The following PKP4 variants were observed in gnomAD, a reference collection of about 807,000 sequenced individuals.
The protein encoded by PKP4 is plakophilin-4.
PKP4 carries 90 observed loss-of-function variants against 145.1 expected under a neutral mutation model. The observed-to-expected ratio is 0.62, with a 90% confidence interval of 0.52 to 0.74. The LOEUF (loss-of-function observed/expected upper bound fraction) is 0.74. PKP4 is among the 30% of genes least tolerant of loss of function. PKP4 has a pLI of 0.00. For synonymous variants in PKP4, 563 were observed against 577.2 expected (o/e 0.98, Z 0.35); for missense variants, 1,340 against 1,482.7 (o/e 0.90, Z 1.58).
chr2:158,660,768 A>G (rs1409398222), intron 12 of PKP4: 1 of 152,236 alleles, frequency 6.6e-6, no homozygotes, highest in Non-Finnish European at 1.5e-5. Flanking sequence ...TGTTTATAAT[A>G]CAAGAAATTA....
At chr2:158,545,900 C>T (rs1219655475) in intron 2 of PKP4, among the ~76,000 whole-genome samples, 3 of 152,062 alleles carry the variant, frequency 2.0e-5, no homozygotes, top group Admixed American at 6.6e-5. Flanking sequence ...ATATACAGTG[C>T]CTTTTAAAAA....
At chr2:158,517,198 TG>T (rs2042006456) in intron 1 of PKP4, among the ~76,000 whole-genome samples, 1 of 152,236 alleles carries the variant, frequency 6.6e-6, no homozygotes, top group Non-Finnish European at 1.5e-5. Context: ...AGATTTCATA[TG>T]GTTTACCATA....
At chr2:158,511,636 A>T (rs1315700660) in intron 1 of PKP4, among the ~76,000 whole-genome samples, 1 of 152,214 alleles carries the variant, frequency 6.6e-6, no homozygotes, top group Non-Finnish European at 1.5e-5. Context: ...TCCTTCTAGA[A>T]AACAGTGACA....
Position 158,555,368 on chromosome 2 carries a change from TTAA to T in PKP4, c.133-21896_133-21894del, listed in dbSNP as rs1200340580. 2.0e-5 allele frequency among the ~76,000 whole-genome samples: 3 copies of T among 152,362 alleles called. No individual in the cohort carries two copies. The South Asian group carries it at 6.2e-4, about 32-fold the overall frequency. The stretch of plus-strand genomic sequence containing the variant: ...TATATTAAAGAAATGTTAGCTCATC[TTAA>T]TAATAAAGCAAAATGTAATTAGATC... On this transcript the variant is annotated intron_variant, in intron 2 of 21. Transcript: ENST00000389759.
Position 158,490,636 on chromosome 2 carries a change from A to G in PKP4, c.-6+33418A>G, listed in dbSNP as rs185117589. 2.7e-4 allele frequency among the ~76,000 whole-genome samples: 41 copies of G among 152,352 alleles called. No homozygotes were observed. The East Asian group carries it at 6.8e-3, about 25-fold the overall frequency. On this transcript the variant is annotated intron_variant, in intron 1 of 21. Transcript: ENST00000389759. ...GGAAGAAGTACAAATAGGATTCCTC[A>G]GGAGTCAATGTGGACAATAATTTTA...
intron 1 of PKP4, among the ~76,000 whole-genome samples, chr2:158,525,806 C>T (rs2042869584): frequency 6.9e-6 from 1 of 144,556 alleles, no homozygotes; most frequent in African/African-American, 2.6e-5. Flanking sequence ...GGGGATATCA[C>T]CACCGATCCC....
chr2:158,613,528 G>A (rs1016300300), intron 4 of PKP4, among the ~76,000 whole-genome samples: 1 of 152,134 alleles, frequency 6.6e-6, no homozygotes, highest in African/African-American at 2.4e-5. Context: ...TCAGAATACA[G>A]CTTAGACTGA....
chr2:158,522,699 C>G (rs999916820), intron 1 of PKP4, among the ~76,000 whole-genome samples: 1 of 152,204 alleles, frequency 6.6e-6, no homozygotes, highest in Non-Finnish European at 1.5e-5. Flanking sequence ...CGGGTGATTT[C>G]TGCATTTCCA....
intron 3 of PKP4, among the ~76,000 whole-genome samples, chr2:158,581,044 C>A (rs997872585): frequency 6.6e-6 from 1 of 152,136 alleles, no homozygotes; most frequent in African/African-American, 2.4e-5. Flanking sequence ...GCTTCGGGCA[C>A]ATCATGTAAA....
chr2:158,671,373 TA>T (rs1479640351), intron 17 of PKP4, among the ~76,000 whole-genome samples: 5 of 151,268 alleles, frequency 3.3e-5, no homozygotes, highest in Non-Finnish European at 7.4e-5. Context: ...TAAATGGTTA[TA>T]GGGGGTGGGG....
intron 3 of PKP4, among the ~76,000 whole-genome samples, chr2:158,581,617 C>T (rs3771620): frequency 0.46 from 70,629 of 152,000 alleles, 17,376 homozygotes; most frequent in South Asian, 0.67. Flanking sequence ...TCCTCTTCCC[C>T]GAATGGGTGG....
intron 2 of PKP4, among the ~76,000 whole-genome samples, chr2:158,538,990 G>C (rs542802278): frequency 6.6e-6 from 1 of 152,300 alleles, no homozygotes; most frequent in South Asian, 2.1e-4. Context: ...TTTTTACTCT[G>C]GTGAGGTCTC....
In PKP4 at chr2:158,515,643, A is replaced by G. The variant is rs183658285; in HGVS notation, c.-5-17537A>G. On this transcript the variant is annotated intron_variant, in intron 1 of 21. Transcript: ENST00000389759. ...GCTGAGGAAAGCCAAATTGTGAAGG[A>G]TGGAACAATGTCTCTTTCCATCTAC... is the stretch of plus-strand genomic sequence containing the variant. 2.0e-3 allele frequency among the ~76,000 whole-genome samples: 309 copies of G among 152,328 alleles called. 2 individuals carry two copies. Among genetic ancestry groups the G allele is most frequent in the Non-Finnish European group, 3.3e-3 (226 of 68,030 alleles).
intron 1 of PKP4, among the ~76,000 whole-genome samples, chr2:158,506,215 C>T (rs536110113): frequency 6.6e-6 from 1 of 152,298 alleles, no homozygotes; most frequent in South Asian, 2.1e-4. Flanking sequence ...CCTTGCTCTG[C>T]AGTGCAGTCC....
chr2:158,535,543 A>G (rs1016376317), intron 2 of PKP4, among the ~76,000 whole-genome samples: 8 of 151,972 alleles, frequency 5.3e-5, no homozygotes, highest in African/African-American at 1.9e-4. Context: ...CCTAGTAGCT[A>G]GGACTACAGG....
chr2:158,532,308 C>T (rs1263440997), intron 1 of PKP4, among the ~76,000 whole-genome samples: 2 of 152,044 alleles, frequency 1.3e-5, no homozygotes, highest in Non-Finnish European at 2.9e-5. Context: ...TAAGCCTTGG[C>T]GGGATTTGCC....
At chr2:158,529,608 G>C (rs950392095) in intron 1 of PKP4, among the ~76,000 whole-genome samples, 1 of 152,148 alleles carries the variant, frequency 6.6e-6, no homozygotes. Flanking sequence ...TCACTTAAAC[G>C]CCCTTCCTAT....
chr2:158,463,736 T>C (rs1049519472), intron 1 of PKP4, among the ~76,000 whole-genome samples: 1 of 152,210 alleles, frequency 6.6e-6, no homozygotes, highest in African/African-American at 2.4e-5. Context: ...TCAGCAAGAA[T>C]ATGCTGTCTT....
At chr2:158,503,948 T>G in intron 1 of PKP4, among the ~76,000 whole-genome samples, 1 of 146,574 alleles carries the variant, frequency 6.8e-6, no homozygotes, top group East Asian at 2.0e-4. Context: ...TGTTTTAGGA[T>G]TTCTGGTAAA....
Sources: allele counts gnomAD v4.1 joint callset (sites outside exome capture counted in the v4.1 genomes callset), GRCh38; gene constraint gnomAD v4.1.1; transcripts MANE v1.5; gene names NCBI Gene and HGNC (gene_info 2026-07-23, HGNC 2026-07-21).